NAA15: variants seen among roughly 807,000 people sequenced by gnomAD.
NAA15 encodes the protein N-terminal acetyltransferase.
NAA15 carries 34 observed loss-of-function variants against 114.0 expected under a neutral mutation model. The ratio of observed to expected loss-of-function variants is 0.30; its 90% CI spans 0.23 to 0.40. The LOEUF is 0.40. Ranked by LOEUF, NAA15 falls within the 10% of genes least tolerant of loss-of-function variation. NAA15 has a pLI of 1.00. For synonymous variants in NAA15, 340 were observed against 338.0 expected, an observed-to-expected ratio of 1.01 and a Z score of -0.06; for missense variants, 658 against 1,004.5, an observed-to-expected ratio of 0.66 and a Z score of 4.66.
At chr4:139,328,426 T>G (rs1213827179) in intron 1 of NAA15, among the ~76,000 whole-genome samples, 1 of 152,136 alleles carries the variant, frequency 6.6e-6, no homozygotes, top group Non-Finnish European at 1.5e-5. Flanking sequence ...CAGACTGGTT[T>G]TGAACTCCTC....
intron 18 of NAA15, among the ~76,000 whole-genome samples, chr4:139,385,309 T>C (rs28576438): frequency 8.0e-6 from 1 of 125,504 alleles, no homozygotes; most frequent in Non-Finnish European, 1.6e-5. Context: ...TAATATATAT[T>C]ATATATATAT....
chr4:139,352,815 G>A (rs533472450), intron 9 of NAA15, among the ~76,000 whole-genome samples: 2 of 151,818 alleles, frequency 1.3e-5, no homozygotes, highest in South Asian at 2.1e-4. Context: ...TTACAGGCAC[G>A]TGCCACCATA....
At chr4:139,321,251 A>G (rs550043025) in intron 1 of NAA15, among the ~76,000 whole-genome samples, 30 of 152,046 alleles carry the variant, frequency 2.0e-4, no homozygotes, top group African/African-American at 6.8e-4. Flanking sequence ...GACTTCTATT[A>G]AACATTTCCA....
chr4:139,311,283 C>G (rs563451508), intron 1 of NAA15, among the ~76,000 whole-genome samples: 5 of 151,996 alleles, frequency 3.3e-5, no homozygotes, highest in South Asian at 2.1e-4. Flanking sequence ...TGGCTCTATT[C>G]ACATTGGTTA....
chr4:139,342,234 TTTCTG>T (rs1747426875), intron 4 of NAA15, among the ~76,000 whole-genome samples: 1 of 152,172 alleles, frequency 6.6e-6, no homozygotes, highest in Admixed American at 6.5e-5. Context: ...TCCTGCCTCT[TTTCTG>T]GGACTGAGCA....
At chr4:139,362,239 T>C (rs1748153587) in intron 14 of NAA15, among the ~76,000 whole-genome samples, 1 of 152,292 alleles carries the variant, frequency 6.6e-6, no homozygotes. Flanking sequence ...TTGCTAATTG[T>C]ATAATTAGTA....
Position 139,388,105 on chromosome 4 carries a change from G to A in NAA15, c.*21G>A. The A allele has an allele frequency of 6.2e-7, 1 of 1,608,314 alleles. No homozygotes were observed. The highest frequency in any genetic ancestry group is 8.5e-7 in the Non-Finnish European group (1 of 1,175,574). ...TTTGAACATCACTAAACAAGCAAAT[G>A]GAATGACTTTGGACCATATCTAGTA... On this transcript the variant is annotated 3_prime_UTR_variant, in exon 20 of 20. Coordinates refer to ENST00000296543, the MANE Select transcript of NAA15 (RefSeq NM_057175.5).
Position 139,347,496 on chromosome 4 carries a change from G to A in NAA15, c.692-1966G>A, listed in dbSNP as rs576621361. ...AAAATAAAAATAAAAAAATTAGCTG[G>A]GTGTGTTGGCTTACATCTGTAGTCC... On this transcript the variant is annotated intron_variant, in intron 6 of 19. Coordinates refer to ENST00000296543, the MANE Select transcript of NAA15 (RefSeq NM_057175.5). Among the ~76,000 whole-genome samples the A allele has an allele frequency of 2.0e-5, 3 of 152,128 alleles. No homozygotes were observed. The East Asian group carries it at 5.8e-4, about 29-fold the overall frequency.
intron 17 of NAA15, chr4:139,379,082 C>CA (rs1251263934): frequency 6.0e-6 from 2 of 330,750 alleles, no homozygotes; most frequent in Non-Finnish European, 1.1e-5. Flanking sequence ...ATTTGAGAAT[C>CA]ATCTTTGTTT....
At chr4:139,311,344 G>C (rs1315148744) in intron 1 of NAA15, among the ~76,000 whole-genome samples, 1 of 149,924 alleles carries the variant, frequency 6.7e-6, no homozygotes, top group East Asian at 2.0e-4. Context: ...TGTGAAGTGA[G>C]TGTGAAAATA....
At chr4:139,309,707 A>T (rs576919190) in intron 1 of NAA15, among the ~76,000 whole-genome samples, 5 of 152,328 alleles carry the variant, frequency 3.3e-5, no homozygotes, top group African/African-American at 1.2e-4. Flanking sequence ...GAAATGTTTT[A>T]AAAAATATTT....
At chr4:139,354,292 G>GT (rs1747871710) in intron 10 of NAA15, among the ~76,000 whole-genome samples, 194 bp downstream of exon 10, 1 of 152,002 alleles carries the variant, frequency 6.6e-6, no homozygotes, top group African/African-American at 2.4e-5. Flanking sequence ...CATTATCTTT[G>GT]TTTTTTGTGT....
At chr4:139,365,307 G>A (rs1673569488) in intron 14 of NAA15, among the ~76,000 whole-genome samples, 1 of 152,014 alleles carries the variant, frequency 6.6e-6, no homozygotes, top group African/African-American at 2.4e-5. Context: ...CAAAGTGCTG[G>A]GATTACAGGT....
At chr4:139,302,170 A>G (rs1020119687) in intron 1 of NAA15, 8 of 279,884 alleles carry the variant, frequency 2.9e-5, no homozygotes, top group Non-Finnish European at 5.3e-5. Context: ...CACCGGCAGG[A>G]GTCGCGGCCC....
chr4:139,323,053 CTTTTTTTTT>C (rs67137305), intron 1 of NAA15, among the ~76,000 whole-genome samples: 4 of 117,486 alleles, frequency 3.4e-5, no homozygotes, highest in Non-Finnish European at 5.3e-5. Flanking sequence ...CTTTTCTTTT[CTTTTTTTTT>C]TTTTTTTTTT....
intron 13 of NAA15, 131 bp from the exon 14 acceptor site, chr4:139,361,593 T>C: frequency 1.7e-6 from 1 of 595,182 alleles, no homozygotes; most frequent in East Asian, 2.9e-5. Flanking sequence ...TGTTGAATAA[T>C]TGTAATTGTT....
intron 6 of NAA15, among the ~76,000 whole-genome samples, chr4:139,348,559 G>C (rs1055843890): frequency 1.3e-5 from 2 of 152,034 alleles, no homozygotes; most frequent in Admixed American, 1.3e-4. Context: ...AGGATGCAAG[G>C]GTGAAGTAGT....
chr4:139,367,998 TCCAAGGCTCTTCAAACTTCCACTAAAG>T (rs529062709), intron 14 of NAA15, among the ~76,000 whole-genome samples: 1,791 of 152,208 alleles, frequency 0.012, 12 homozygotes, highest in East Asian at 0.029. Flanking sequence ...CTATGAATAG[TCCAAGGCTCTTCAAACTTCCACTAAAG>T]CCCTACTCAA....
At chr4:139,305,920 TAAG>T (rs1745996401) in intron 1 of NAA15, among the ~76,000 whole-genome samples, 1 of 152,238 alleles carries the variant, frequency 6.6e-6, no homozygotes, top group Non-Finnish European at 1.5e-5. Context: ...ATGATAAACT[TAAG>T]TAGGAAATAC....
Sources: allele counts gnomAD v4.1 joint callset (sites outside exome capture counted in the v4.1 genomes callset), GRCh38; gene constraint gnomAD v4.1.1; transcripts MANE v1.5; gene names NCBI Gene and HGNC (gene_info 2026-07-23, HGNC 2026-07-21).